NCK1: variants seen among roughly 807,000 people sequenced by gnomAD.
NCK1 encodes the protein SH2/SH3 adapter protein NCK1.
NCK1 carries 19 observed loss-of-function variants against 36.6 expected under a neutral mutation model. That is an observed-to-expected ratio of 0.52 (90% CI 0.36 to 0.76). The LOEUF is 0.76. NCK1 is among the 30% of genes least tolerant of loss of function. NCK1 has a pLI of 0.00. For synonymous variants in NCK1, 165 were observed against 156.0 expected, an observed-to-expected ratio of 1.06 and a Z score of -0.43; for missense variants, 358 against 445.6, an observed-to-expected ratio of 0.80 and a Z score of 1.77.
chr3:136,867,892 G>A (rs1938495601), intron 1 of NCK1, among the ~76,000 whole-genome samples: 1 of 150,780 alleles, frequency 6.6e-6, no homozygotes. Context: ...AAACTTCAGG[G>A]CAGGGGAACC....
intron 1 of NCK1, among the ~76,000 whole-genome samples, chr3:136,884,964 GC>G (rs1939038418): frequency 2.0e-5 from 3 of 151,854 alleles, no homozygotes; most frequent in Non-Finnish European, 4.4e-5. Flanking sequence ...CAAGTGATCT[GC>G]CCACCTCGGC....
intron 1 of NCK1, among the ~76,000 whole-genome samples, chr3:136,891,479 A>AT (rs2108089233): frequency 6.6e-6 from 1 of 152,332 alleles, no homozygotes; most frequent in Non-Finnish European, 1.5e-5. Context: ...GCTGTTGTGA[A>AT]TAATGCCAAT....
At chr3:136,948,046 T>C (rs1940873784) in intron 3 of NCK1, among the ~76,000 whole-genome samples, 1 of 152,108 alleles carries the variant, frequency 6.6e-6, no homozygotes. Flanking sequence ...ATGGATGATA[T>C]TGGCCAAGTT....
chr3:136,868,940 C>G (rs926745852), intron 1 of NCK1, among the ~76,000 whole-genome samples: 2 of 152,058 alleles, frequency 1.3e-5, no homozygotes, highest in African/African-American at 4.8e-5. Context: ...CAAGACAAGA[C>G]AAAATATCTT....
intron 1 of NCK1, among the ~76,000 whole-genome samples, chr3:136,882,559 G>T (rs1315802843): frequency 6.6e-6 from 1 of 151,334 alleles, no homozygotes; most frequent in Non-Finnish European, 1.5e-5. Context: ...GTGTGTGTGT[G>T]TGTGTGTGTG....
At position 136,928,019 on chromosome 3, in the gene NCK1, G is replaced by A; in HGVS notation, c.18G>A (p.Val6=). 1 of 1,613,832 alleles carries A rather than the reference G, an allele frequency of 6.2e-7. No individual in the cohort carries two copies. The highest frequency in any genetic ancestry group is 1.3e-5 in the African/African-American group (1 of 75,038). ...GCTGAAAGATGGCAGAAGAAGTGGT[G>A]GTAGTAGCCAAATTTGATTATGTGG... is the stretch of plus-strand genomic sequence containing the variant. MAEEV[V]VVAKFDYVAQ... The change falls in exon 2 of 4, where the codon GTG becomes GTA. Residue 6 remains valine (V), a synonymous_variant. Transcript: ENST00000481752.
At chr3:136,927,884 CAT>C in intron 1 of NCK1, 98 bp from the exon 2 acceptor site, 1 of 868,554 alleles carries the variant, frequency 1.2e-6, no homozygotes, top group South Asian at 1.8e-5. Context: ...TTTTACTTTT[CAT>C]CTTTATGTCT....
At chr3:136,918,806 A>G (rs1940032971) in intron 1 of NCK1, among the ~76,000 whole-genome samples, 1 of 152,212 alleles carries the variant, frequency 6.6e-6, no homozygotes, top group South Asian at 2.1e-4. Flanking sequence ...CTGAGGGCCA[A>G]CTGTATTCAT....
At chr3:136,924,369 G>A (rs558849572) in intron 1 of NCK1, among the ~76,000 whole-genome samples, 9 of 152,242 alleles carry the variant, frequency 5.9e-5, no homozygotes, top group Admixed American at 1.3e-4. Context: ...TCACGATGTG[G>A]GAAATGCTAC....
intron 1 of NCK1, among the ~76,000 whole-genome samples, chr3:136,875,681 T>C (rs978429035): frequency 2.0e-5 from 3 of 150,204 alleles, no homozygotes; most frequent in African/African-American, 7.3e-5. Flanking sequence ...CAAAGAGACT[T>C]AGACTCCCAC....
chr3:136,878,372 G>A (rs986779609), intron 1 of NCK1, among the ~76,000 whole-genome samples: 3 of 152,138 alleles, frequency 2.0e-5, no homozygotes, highest in African/African-American at 7.2e-5. Flanking sequence ...TAGCAACACA[G>A]CACTCTAGCC....
intron 1 of NCK1, among the ~76,000 whole-genome samples, chr3:136,878,410 A>AAAAC (rs777568480): frequency 2.0e-5 from 3 of 152,166 alleles, no homozygotes; most frequent in Non-Finnish European, 4.4e-5. Context: ...TTCTGTCTCA[A>AAAAC]AAACAAACAA....
At chr3:136,919,888 G>A (rs1302736424) in intron 1 of NCK1, among the ~76,000 whole-genome samples, 1 of 152,078 alleles carries the variant, frequency 6.6e-6, no homozygotes. Flanking sequence ...AGATTCTGTT[G>A]TACTTTAACA....
At chr3:136,882,704 G>C (rs778345470) in intron 1 of NCK1, among the ~76,000 whole-genome samples, 1 of 152,018 alleles carries the variant, frequency 6.6e-6, no homozygotes, top group Non-Finnish European at 1.5e-5. Context: ...AGTGTGTGTG[G>C]AGAAAGATTT....
At chr3:136,935,738 A>G (rs1940512566) in intron 2 of NCK1, among the ~76,000 whole-genome samples, 1 of 152,242 alleles carries the variant, frequency 6.6e-6, no homozygotes, top group South Asian at 2.1e-4. Flanking sequence ...ATAACATAAA[A>G]TTAACCATTT....
intron 1 of NCK1, among the ~76,000 whole-genome samples, chr3:136,916,553 A>G (rs75534883): frequency 6.6e-6 from 1 of 152,156 alleles, no homozygotes; most frequent in East Asian, 1.9e-4. Flanking sequence ...TGCTTACTAG[A>G]AGAGATGACA....
intron 1 of NCK1, among the ~76,000 whole-genome samples, chr3:136,864,820 C>T (rs1361972779): frequency 9.4e-5 from 13 of 138,050 alleles, no homozygotes; most frequent in Admixed American, 3.7e-4. Context: ...TGCAGTGGCA[C>T]GATCTTGGCT....
rs950180115 is a variant in NCK1, at chr3:136,885,770, A to G, written c.-19+23417A>G. On this transcript the variant is annotated intron_variant, in intron 1 of 3. Transcript: ENST00000481752. Reference sequence around the variant, plus strand: ...TATTTCTGAAGTGAAATACAGTGAGATAATACAGTTAGGCATCAAGGTTAA... The same window carrying G: ...TATTTCTGAAGTGAAATACAGTGAGGTAATACAGTTAGGCATCAAGGTTAA... 6.6e-5 allele frequency among the ~76,000 whole-genome samples: 10 copies of G among 152,328 alleles called. No individual in the cohort carries two copies. The East Asian group carries it at 1.9e-3, about 29-fold the overall frequency.
In NCK1 at chr3:136,918,741, A is replaced by G. The variant is rs550499973; in HGVS notation, c.-18-9243A>G. Among the ~76,000 whole-genome samples, 14 of 152,298 alleles carry G rather than the reference A, an allele frequency of 9.2e-5. No individual in the cohort carries two copies. The South Asian group carries it at 1.5e-3, about 16-fold the overall frequency. On this transcript the variant is annotated intron_variant, in intron 1 of 3. Transcript: ENST00000481752. ...TGTATTTTATGTGTGGCCCAAGACA[A>G]TTCTTCCATTGTGGCCCAGGAAAGC...
Sources: allele counts gnomAD v4.1 joint callset (sites outside exome capture counted in the v4.1 genomes callset), GRCh38; gene constraint gnomAD v4.1.1; transcripts MANE v1.5; gene names NCBI Gene and HGNC (gene_info 2026-07-23, HGNC 2026-07-21).